Variants in RAB12 observed in about 807,000 individuals in gnomAD.
RAB12 encodes the protein ras-related protein Rab-12.
Under a neutral mutation model 28.4 loss-of-function variants are expected in RAB12, and 11 were observed. The observed-to-expected ratio is 0.39, with a 90% CI of 0.24 to 0.64. The LOEUF is 0.64. Among genes scored for constraint, RAB12 ranks in the 30% least tolerant of loss-of-function variants. RAB12 has a pLI of 0.50. For missense variants in RAB12, 276 were observed against 351.1 expected (o/e 0.79, Z 1.71); for synonymous variants, 138 against 145.3 (o/e 0.95, Z 0.36).
Position 8,633,365 on chromosome 18 carries a change from G to C in RAB12, c.714+38G>C, listed in dbSNP as rs567656458. ...TTTTTCTGTCCAATGTGAACTCTCTGCTTGTGAGTCTTAATCATTATTAAA... is the reference window on the plus strand; with the variant it reads ...TTTTTCTGTCCAATGTGAACTCTCTCCTTGTGAGTCTTAATCATTATTAAA... On this transcript the variant is annotated intron_variant, in intron 3 of 5. Coordinates refer to ENST00000649141, the MANE Select transcript of RAB12 (RefSeq NM_001025300.3). 8 of 1,605,604 alleles carry C rather than the reference G, an allele frequency of 5.0e-6. No homozygotes were observed. The African/African-American group carries it at 5.4e-5, about 11-fold the overall frequency.
chr18:8,619,649 T>G (rs1490015991), intron 1 of RAB12, among the ~76,000 whole-genome samples: 1 of 152,210 alleles, frequency 6.6e-6, no homozygotes, highest in East Asian at 1.9e-4. Context: ...AATTTGAGTC[T>G]TGGTTCTGCT....
chr18:8,636,349 C>G lies in RAB12; in HGVS notation c.901C>G (p.Leu301Val), dbSNP rs1018315979. The G allele has an allele frequency of 1.3e-6, 2 of 1,579,592 alleles. No homozygotes were observed. The highest frequency in any genetic ancestry group is 8.7e-7 in the Non-Finnish European group (1 of 1,154,188). Residue 301 changes from leucine to valine, a missense_variant, in exon 5 of 6, where the codon CTG (leucine) becomes GTG (valine). This residue lies in a region of RAB12 where 127 missense variants were observed against 161.4 expected (regional missense o/e 0.79). Transcript: ENST00000649141. The part of the protein sequence containing the change: ...EIFLKLVDDI[L>V]KKMPLDILRN... The stretch of plus-strand genomic sequence containing the variant: ...ATTTTTGAAACTTGTCGATGACATT[C>G]TGAAAAAGGTAAAAAAAAGAATCTA...
chr18:8,617,853 A>G (rs2096007535), intron 1 of RAB12, among the ~76,000 whole-genome samples: 1 of 152,150 alleles, frequency 6.6e-6, no homozygotes, highest in African/African-American at 2.4e-5. Context: ...CTGTTTTTTC[A>G]TCTATAAAAT....
intron 2 of RAB12, among the ~76,000 whole-genome samples, chr18:8,627,143 GCTT>G (rs1407313445): frequency 6.6e-6 from 1 of 152,210 alleles, no homozygotes; most frequent in Non-Finnish European, 1.5e-5. Context: ...GTAATGCGTG[GCTT>G]CTTTAGGAGT....
chr18:8,621,696 G>A (rs1481982602), intron 1 of RAB12, among the ~76,000 whole-genome samples: 3 of 152,074 alleles, frequency 2.0e-5, no homozygotes, highest in Admixed American at 6.6e-5. Flanking sequence ...TGGGGGTTTG[G>A]TGTACAGATG....
At chr18:8,627,722 AAC>A in intron 2 of RAB12, among the ~76,000 whole-genome samples, 1 of 152,208 alleles carries the variant, frequency 6.6e-6, no homozygotes, top group East Asian at 1.9e-4. Context: ...CCTTTAGGCA[AAC>A]ACAGAATTGA....
At chr18:8,629,563 G>A (rs2096014739) in intron 2 of RAB12, among the ~76,000 whole-genome samples, 1 of 152,178 alleles carries the variant, frequency 6.6e-6, no homozygotes, top group Non-Finnish European at 1.5e-5. Context: ...ACCCACCTCT[G>A]CCCTCCTCAC....
At chr18:8,610,747 G>A (rs1050634467) in intron 1 of RAB12, among the ~76,000 whole-genome samples, 8 of 152,150 alleles carry the variant, frequency 5.3e-5, no homozygotes, top group Non-Finnish European at 1.0e-4. Context: ...TTGTTTCTAT[G>A]GAAAACCCCT....
In RAB12 at chr18:8,625,018, C is replaced by G. The variant is rs2096011896; in HGVS notation, c.575+20C>G. ...GATCTGGTAAGTGGGAGAGTGTGCACCCAGTAATGTGCTGTGTGTGTTTAA... is the reference window on the plus strand; with the variant it reads ...GATCTGGTAAGTGGGAGAGTGTGCAGCCAGTAATGTGCTGTGTGTGTTTAA... On this transcript the variant is annotated intron_variant, in intron 2 of 5. Transcript: ENST00000649141. 6.7e-7 allele frequency: 1 copy of G among 1,498,960 alleles called. No individual in the cohort carries two copies. Among genetic ancestry groups the G allele is most frequent in the Admixed American group, 1.7e-5 (1 of 59,068 alleles). 92.9% of individuals were successfully genotyped at this position (1,498,960 alleles called of 1,614,324 possible). A position where few individuals can be genotyped will look rare whatever the true frequency, so the allele number is the denominator to read the frequency against.
intron 1 of RAB12, among the ~76,000 whole-genome samples, chr18:8,611,128 A>G (rs1183799977): frequency 1.3e-5 from 2 of 152,148 alleles, no homozygotes; most frequent in African/African-American, 2.4e-5. Flanking sequence ...AATATTTGTG[A>G]TGTCTGTACC....
intron 1 of RAB12, among the ~76,000 whole-genome samples, chr18:8,621,363 G>T (rs1285907474): frequency 1.3e-5 from 2 of 152,124 alleles, no homozygotes; most frequent in African/African-American, 4.8e-5. Flanking sequence ...TTTGATAGAG[G>T]TATATGTTTC....
chr18:8,633,138 G>A (rs2096016947), intron 2 of RAB12, 51 bp from the exon 3 acceptor site: 1 of 1,608,740 alleles, frequency 6.2e-7, no homozygotes, highest in Non-Finnish European at 8.5e-7. Flanking sequence ...GAATGTGATG[G>A]TGCTCACTTT....
chr18:8,638,529 G>A lies in RAB12; in HGVS notation c.*267G>A. The stretch of plus-strand genomic sequence containing the variant: ...ACCTAGTACTTCTAATATGAAGAAT[G>A]GGAGAAATGAAAGGTATAATGTTTC... On this transcript the variant is annotated 3_prime_UTR_variant, in exon 6 of 6. Transcript: ENST00000649141. 9.1e-6 allele frequency: 3 copies of A among 328,412 alleles called. No individual in the cohort carries two copies. The highest frequency in any genetic ancestry group is 5.1e-5 in the South Asian group (1 of 19,764). The allele number at this position is 328,412 out of a possible 1,614,324, so 20.3% of individuals were successfully genotyped here. A position where few individuals can be genotyped will look rare whatever the true frequency, so the allele number is the denominator to read the frequency against.
chr18:8,624,962 T>C lies in RAB12; in HGVS notation c.539T>C (p.Val180Ala), dbSNP rs765635294. 2 of 1,604,834 alleles carry C rather than the reference T, an allele frequency of 1.2e-6. No individual in the cohort carries two copies. The highest frequency in any genetic ancestry group is 2.7e-5 in the African/African-American group (2 of 74,758). The stretch of plus-strand genomic sequence containing the variant: ...GGTGTTGACTTCAAAATCAAAACTG[T>C]AGAGCTAAGAGGAAAGAAAATTAGA... ...TVGVDFKIKT[V>A]ELRGKKIRLQ... Residue 180 changes from valine to alanine, a missense_variant, in exon 2 of 6, where the codon GTA (valine) becomes GCA (alanine). Around this residue, in one of 4 missense-constraint regions of RAB12, gnomAD observed 76 missense variants for 117.9 expected, o/e 0.64. Coordinates refer to ENST00000649141, the MANE Select transcript of RAB12 (RefSeq NM_001025300.3).
intron 2 of RAB12, 114 bp downstream of exon 2, chr18:8,625,112 T>G (rs2096011954): frequency 1.5e-6 from 1 of 654,236 alleles, no homozygotes; most frequent in Non-Finnish European, 2.6e-6. Context: ...TCTCCTCTTT[T>G]GCTCATTTTA....
chr18:8,630,985 C>T (rs28459004), intron 2 of RAB12, among the ~76,000 whole-genome samples: 18,168 of 152,294 alleles, frequency 0.12, 1,290 homozygotes, highest in Admixed American at 0.17. Context: ...GCCTCGCAGG[C>T]TCAAGCAATT....
chr18:8,625,938 C>T (rs1287547845), intron 2 of RAB12, among the ~76,000 whole-genome samples: 1 of 152,208 alleles, frequency 6.6e-6, no homozygotes, highest in Non-Finnish European at 1.5e-5. Flanking sequence ...ATCCGTGTCC[C>T]TGTCTGGGCC....
chr18:8,632,282 C>CA (rs397859076), intron 2 of RAB12, among the ~76,000 whole-genome samples: 1,151 of 58,380 alleles, frequency 0.02, 8 homozygotes, highest in East Asian at 0.061. Flanking sequence ...ACTCTGTCTC[C>CA]AAAAAAAAAA....
intron 2 of RAB12, among the ~76,000 whole-genome samples, chr18:8,627,695 G>A (rs909542250): frequency 6.6e-6 from 1 of 152,188 alleles, no homozygotes; most frequent in African/African-American, 2.4e-5. Flanking sequence ...ACTTGAAGCC[G>A]TGAAATTTGC....
Sources: allele counts gnomAD v4.1 joint callset (sites outside exome capture counted in the v4.1 genomes callset), GRCh38; gene constraint gnomAD v4.1.1; regional missense constraint gnomAD v4.1.1; transcripts MANE v1.5; gene names NCBI Gene and HGNC (gene_info 2026-07-23, HGNC 2026-07-21).